The following THSD7A variants were observed in gnomAD, a reference collection of about 807,000 sequenced individuals.
THSD7A encodes thrombospondin type 1 domain containing 7A.
Under a neutral mutation model 231.3 loss-of-function variants are expected in THSD7A, and 96 were observed. The observed-to-expected ratio is 0.41, with a 90% CI of 0.35 to 0.49. The LOEUF (loss-of-function observed/expected upper bound fraction) is 0.49, where lower values mean the gene tolerates loss of function less well. Among genes scored for constraint, THSD7A ranks in the 20% least tolerant of loss-of-function variants. THSD7A has a pLI of 0.05. For missense variants in THSD7A, 2,290 were observed against 2,070.2 expected, an observed-to-expected ratio of 1.11 and a Z score of -2.06; for synonymous variants, 940 against 743.3, an observed-to-expected ratio of 1.26 and a Z score of -4.30.
At chr7:11,503,191 G>A (rs1480014311) in intron 6 of THSD7A, among the ~76,000 whole-genome samples, 1 of 152,152 alleles carries the variant, frequency 6.6e-6, no homozygotes, top group East Asian at 1.9e-4. Context: ...TGACAAGGCT[G>A]ACAAAAACAA....
chr7:11,450,955 T>C (rs1240570371), intron 11 of THSD7A, among the ~76,000 whole-genome samples: 1 of 152,058 alleles, frequency 6.6e-6, no homozygotes, highest in Non-Finnish European at 1.5e-5. Context: ...TATATCCATT[T>C]ACTTCATTTA....
chr7:11,752,604 C>T (rs985653057), intron 1 of THSD7A, among the ~76,000 whole-genome samples: 22 of 151,874 alleles, frequency 1.4e-4, no homozygotes, highest in Non-Finnish European at 2.4e-4. Context: ...ACCTCTAGGG[C>T]TAATGATTCA....
intron 6 of THSD7A, among the ~76,000 whole-genome samples, chr7:11,524,381 C>G (rs1235641323): frequency 1.3e-5 from 2 of 152,174 alleles, no homozygotes; most frequent in African/African-American, 2.4e-5. Context: ...ATCTTTTTGA[C>G]TGCTTCAGCT....
chr7:11,478,035 A>G lies in THSD7A; in HGVS notation c.2018-3467T>C, dbSNP rs1225652662. Among the ~76,000 whole-genome samples, 8 of 152,124 alleles carry G rather than the reference A, an allele frequency of 5.3e-5. 1 individual carries two copies. Among genetic ancestry groups the G allele is most frequent in the Admixed American group, 5.2e-4 (8 of 15,270 alleles). On this transcript the variant is annotated intron_variant, in intron 7 of 27. Transcript: ENST00000423059. The stretch of plus-strand genomic sequence containing the variant: ...GAGTGTACTAGTTTTCTTTCCTAAC[A>G]TATTTGCAACTCTCTTCTCCAGCAA...
intron 1 of THSD7A, among the ~76,000 whole-genome samples, chr7:11,684,442 A>G (rs994423114): frequency 2.6e-5 from 4 of 151,968 alleles, no homozygotes; most frequent in African/African-American, 7.2e-5. Context: ...AGGAAGTAGA[A>G]TCATCTCTCT....
intron 7 of THSD7A, among the ~76,000 whole-genome samples, chr7:11,481,333 G>A (rs1786413736): frequency 6.6e-6 from 1 of 152,134 alleles, no homozygotes; most frequent in Non-Finnish European, 1.5e-5. Flanking sequence ...GCAATTTTTG[G>A]TCGAACAGTA....
At chr7:11,828,857 A>G (rs1278221982) in intron 1 of THSD7A, among the ~76,000 whole-genome samples, 1 of 152,116 alleles carries the variant, frequency 6.6e-6, no homozygotes, top group African/African-American at 2.4e-5. Context: ...GGGCAGTTCA[A>G]CTTACATGCA....
chr7:11,817,412 T>G (rs1206724781), intron 1 of THSD7A, among the ~76,000 whole-genome samples: 1 of 152,222 alleles, frequency 6.6e-6, no homozygotes, highest in Non-Finnish European at 1.5e-5. Flanking sequence ...AGAATGTCTC[T>G]GCATTTAAAA....
intron 16 of THSD7A, among the ~76,000 whole-genome samples, chr7:11,421,355 T>C (rs1453010704): frequency 6.6e-6 from 1 of 152,144 alleles, no homozygotes; most frequent in African/African-American, 2.4e-5. Flanking sequence ...GCTCTTTCTC[T>C]CTCCTGCTGC....
intron 6 of THSD7A, chr7:11,520,123 G>T (rs1240494738): frequency 6.6e-6 from 1 of 152,106 alleles, no homozygotes; most frequent in African/African-American, 2.4e-5. Context: ...ATCACAGCTG[G>T]AAACAATCTC....
At chr7:11,408,367 G>A (rs185893655) in intron 19 of THSD7A, among the ~76,000 whole-genome samples, 29 of 152,048 alleles carry the variant, frequency 1.9e-4, no homozygotes, top group African/African-American at 6.7e-4. Context: ...GATTGGTGGT[G>A]CATGACTGTA....
At chr7:11,554,245 G>A (rs1308048075) in intron 4 of THSD7A, among the ~76,000 whole-genome samples, 2 of 152,012 alleles carry the variant, frequency 1.3e-5, no homozygotes, top group South Asian at 4.1e-4. Flanking sequence ...GGATTAAGGT[G>A]AGCCCTAAAT....
intron 6 of THSD7A, among the ~76,000 whole-genome samples, chr7:11,509,954 T>C (rs1412841979): frequency 6.6e-6 from 1 of 152,068 alleles, no homozygotes; most frequent in African/African-American, 2.4e-5. Context: ...GTAATGGCTA[T>C]GCTAATTACT....
chr7:11,397,654 C>G (rs1049184367), intron 23 of THSD7A, among the ~76,000 whole-genome samples: 3 of 152,142 alleles, frequency 2.0e-5, no homozygotes, highest in African/African-American at 7.2e-5. Context: ...TGCAATCTAT[C>G]CATCTGACAA....
At chr7:11,425,731 TACAC>T (rs3086973) in intron 15 of THSD7A, among the ~76,000 whole-genome samples, 18,929 of 145,698 alleles carry the variant, frequency 0.13, 1,611 homozygotes, top group Middle Eastern at 0.22. Flanking sequence ...TCCCTTATTT[TACAC>T]ACACACACAC....
At chr7:11,383,142 C>T (rs144685818) in intron 23 of THSD7A, among the ~76,000 whole-genome samples, 93 of 151,932 alleles carry the variant, frequency 6.1e-4, no homozygotes, top group African/African-American at 1.9e-3. Context: ...TATACACACA[C>T]GCACACACAC....
In THSD7A at chr7:11,636,653, T is replaced by A. The variant is rs778847480; in HGVS notation, c.499A>T (p.Ile167Phe). The change falls in exon 2 of 28, where the codon ATT becomes TTT. Residue 167 changes from isoleucine (I) to phenylalanine (F), a missense_variant. Physicochemically the swap from Ile to Phe is conservative, Grantham distance 21. Transcript: ENST00000423059. The surrounding 1 kb of genome is among the most constrained non-coding windows in gnomAD (Gnocchi z 10.0). ...TCACAGATGATATCCTCCGCAGGAATGTCTTTGTCTTTCTGGATGCACGCT... is the reference window on the plus strand; with the variant it reads ...TCACAGATGATATCCTCCGCAGGAAAGTCTTTGTCTTTCTGGATGCACGCT... ...EIACIQKDKD[I>F]PAEDIICEYF... 1.9e-6 allele frequency: 3 copies of A among 1,613,976 alleles called. No individual in the cohort carries two copies. Among genetic ancestry groups the A allele is most frequent in the Non-Finnish European group, 1.7e-6 (2 of 1,179,896 alleles).
intron 1 of THSD7A, among the ~76,000 whole-genome samples, chr7:11,729,277 G>A (rs1215570994): frequency 6.6e-6 from 1 of 151,742 alleles, no homozygotes; most frequent in African/African-American, 2.4e-5. Flanking sequence ...GATGTGTGGA[G>A]GAAGTTATGT....
At chr7:11,671,211 T>A (rs143514143) in intron 1 of THSD7A, among the ~76,000 whole-genome samples, 1 of 152,304 alleles carries the variant, frequency 6.6e-6, no homozygotes, top group Admixed American at 6.5e-5. Context: ...GAAATCAATC[T>A]TCAAAGTGAG....
Sources: gnomAD v4.1 joint callset for allele counts (sites outside exome capture counted in the v4.1 genomes callset) on GRCh38, gnomAD v4.1.1 for gene constraint, Gnocchi (gnomAD v3.1) non-coding constraint, MANE v1.5 for transcripts, NCBI Gene and HGNC (gene_info 2026-07-23, HGNC 2026-07-21) for gene names.